BOLL: variants seen among roughly 807,000 people sequenced by gnomAD.
BOLL encodes boule RNA binding protein.
BOLL carries 23 observed loss-of-function variants against 44.4 expected under a neutral mutation model. The observed-to-expected ratio is 0.52, with a 90% confidence interval of 0.37 to 0.73. The LOEUF (loss-of-function observed/expected upper bound fraction) is 0.73, where lower values mean the gene tolerates loss of function less well. BOLL is among the 30% of genes least tolerant of loss of function. The pLI is 0.00. For synonymous variants in BOLL, 97 were observed against 110.8 expected, an observed-to-expected ratio of 0.88 and a Z score of 0.78; for missense variants, 287 against 338.3, an observed-to-expected ratio of 0.85 and a Z score of 1.19.
chr2:197,773,637 T>A lies in BOLL; in HGVS notation c.353-1655A>T, dbSNP rs76370834. Among the ~76,000 whole-genome samples the A allele has an allele frequency of 7.1e-3, 1,081 of 152,074 alleles. 22 individuals carry two copies. The highest frequency in any genetic ancestry group is 0.024 in the African/African-American group (1,013 of 41,512). On this transcript the variant is annotated intron_variant, in intron 5 of 10. Transcript: ENST00000392296. Reference sequence around the variant, plus strand: ...CTAAAGAATGAATTGGATGGCAAAGTACATTCTAGGTAAAGAAAACAGTAT... The same window carrying A: ...CTAAAGAATGAATTGGATGGCAAAGAACATTCTAGGTAAAGAAAACAGTAT...
At chr2:197,783,515 A>G (rs1574874747) in intron 1 of BOLL, among the ~76,000 whole-genome samples, 1 of 152,188 alleles carries the variant, frequency 6.6e-6, no homozygotes, top group South Asian at 2.1e-4. Context: ...TATAGGCTGG[A>G]CCTTATGGGC....
chr2:197,744,070 A>C (rs1687884342), intron 9 of BOLL, among the ~76,000 whole-genome samples: 1 of 152,210 alleles, frequency 6.6e-6, no homozygotes, highest in Admixed American at 6.5e-5. Context: ...CGGCCTCCCA[A>C]AATGCTGGGA....
At chr2:197,775,422 T>C (rs1259928613) in intron 5 of BOLL, among the ~76,000 whole-genome samples, 1 of 151,882 alleles carries the variant, frequency 6.6e-6, no homozygotes, top group Non-Finnish European at 1.5e-5. Context: ...TTTTTTTTCC[T>C]TTAATGATGT....
chr2:197,742,834 A>T (rs1200593173), intron 10 of BOLL, among the ~76,000 whole-genome samples: 2 of 152,040 alleles, frequency 1.3e-5, no homozygotes, highest in Non-Finnish European at 2.9e-5. Flanking sequence ...TAAAATAAAA[A>T]TTTTTTAAAA....
chr2:197,754,096 T>C (rs1688389815), intron 9 of BOLL, among the ~76,000 whole-genome samples: 2 of 151,634 alleles, frequency 1.3e-5, no homozygotes, highest in East Asian at 1.9e-4. Flanking sequence ...TGAGAACACA[T>C]GGACATAGGG....
At chr2:197,737,257 C>A (rs1006337899) in intron 10 of BOLL, among the ~76,000 whole-genome samples, 24 of 151,714 alleles carry the variant, frequency 1.6e-4, no homozygotes, top group African/African-American at 5.6e-4. Context: ...AATTTTTTTT[C>A]ACAGAATCCA....
Position 197,785,235 on chromosome 2 carries a change from G to A in BOLL, c.-195C>T. ...GGGAGGGAAAAGAAGGCTAGCCAGC[G>A]AGAAATTTTGCCCCACAAATCCGCC... On this transcript the variant is annotated 5_prime_UTR_variant, in exon 1 of 11. Transcript: ENST00000392296. This position sits in a 1 kb window ranked among gnomAD's most constrained non-coding sequence, Gnocchi z 6.7. 1 of 985,904 alleles carries A rather than the reference G, an allele frequency of 1.0e-6. No homozygotes were observed. The highest frequency in any genetic ancestry group is 1.2e-6 in the Non-Finnish European group (1 of 829,944). 61.1% of individuals were successfully genotyped at this position (985,904 alleles called of 1,614,324 possible). A position where few individuals can be genotyped will look rare whatever the true frequency, so the allele number is the denominator to read the frequency against.
intron 10 of BOLL, among the ~76,000 whole-genome samples, chr2:197,735,143 G>C (rs1687424942): frequency 6.6e-6 from 1 of 151,882 alleles, no homozygotes; most frequent in African/African-American, 2.4e-5. Flanking sequence ...TAAGATCAAG[G>C]GGAAATGTGA....
At chr2:197,759,735 C>G (rs1688668635) in intron 7 of BOLL, among the ~76,000 whole-genome samples, 1 of 152,170 alleles carries the variant, frequency 6.6e-6, no homozygotes, top group Non-Finnish European at 1.5e-5. Context: ...AGGGTGAACC[C>G]ACTCTTTAGC....
At chr2:197,749,999 T>A (rs1343160115) in intron 9 of BOLL, among the ~76,000 whole-genome samples, 5 of 152,088 alleles carry the variant, frequency 3.3e-5, no homozygotes, top group Non-Finnish European at 5.9e-5. Context: ...TATTCAACAT[T>A]CTTAAAGAAA....
At chr2:197,754,001 C>G (rs149960220) in intron 9 of BOLL, among the ~76,000 whole-genome samples, 1,821 of 152,180 alleles carry the variant, frequency 0.012, 33 homozygotes, top group African/African-American at 0.042. Flanking sequence ...ATGGATGAAG[C>G]TGGAAACCAG....
At chr2:197,759,219 T>C (rs537218289) in intron 7 of BOLL, among the ~76,000 whole-genome samples, 3 of 152,310 alleles carry the variant, frequency 2.0e-5, no homozygotes, top group Non-Finnish European at 4.4e-5. Context: ...GAGCGCAGCA[T>C]GGAGCCACCC....
chr2:197,784,885 A>G, intron 1 of BOLL, 171 bp downstream of exon 1: 1 of 987,114 alleles, frequency 1.0e-6, no homozygotes, highest in Non-Finnish European at 1.2e-6. Context: ...CTAGATGGGG[A>G]CTGTTGCCGG....
At chr2:197,784,433 T>C (rs1689959089) in intron 1 of BOLL, among the ~76,000 whole-genome samples, 1 of 106,348 alleles carries the variant, frequency 9.4e-6, no homozygotes, top group African/African-American at 3.4e-5. Flanking sequence ...TATATATATA[T>C]ATATATATAT....
chr2:197,729,213 T>C (rs577433610), intron 10 of BOLL, among the ~76,000 whole-genome samples: 10 of 152,272 alleles, frequency 6.6e-5, no homozygotes, highest in Non-Finnish European at 1.0e-4. Flanking sequence ...AAAGGGGTGA[T>C]GGACGGCACC....
rs529164003 is a variant in BOLL at position 197,754,722 on chromosome 2, A to C, written c.729+1706T>G. ...GAGCAAGACTCCGTCTCAAAAAACA[A>C]AACAAAAAACAAACAAAAAAACCCC... On this transcript the variant is annotated intron_variant, in intron 9 of 10. Transcript: ENST00000392296. Among the ~76,000 whole-genome samples, 3 of 147,170 alleles carry C rather than the reference A, an allele frequency of 2.0e-5. No individual in the cohort carries two copies. The South Asian group carries it at 6.5e-4, about 32-fold the overall frequency.
intron 1 of BOLL, among the ~76,000 whole-genome samples, chr2:197,782,358 G>C (rs1689829035): frequency 6.6e-6 from 1 of 152,132 alleles, no homozygotes; most frequent in Non-Finnish European, 1.5e-5. Context: ...AATCATGTTT[G>C]AATGCTGACA....
chr2:197,769,452 G>A (rs1308225586), intron 6 of BOLL, among the ~76,000 whole-genome samples: 1 of 152,058 alleles, frequency 6.6e-6, no homozygotes, highest in Non-Finnish European at 1.5e-5. Flanking sequence ...TTGGCGTAGA[G>A]CCCTCTCTCT....
chr2:197,731,704 C>T (rs1187021369), intron 10 of BOLL, among the ~76,000 whole-genome samples: 2 of 151,916 alleles, frequency 1.3e-5, no homozygotes, highest in Non-Finnish European at 2.9e-5. Context: ...CAACCTGCTC[C>T]TGAATGACTA....
Sources: gnomAD v4.1 joint callset for allele counts (sites outside exome capture counted in the v4.1 genomes callset) on GRCh38, gnomAD v4.1.1 for gene constraint, Gnocchi (gnomAD v3.1) non-coding constraint, MANE v1.5 for transcripts, NCBI Gene and HGNC (gene_info 2026-07-23, HGNC 2026-07-21) for gene names.